LDLRAD4: variants seen among roughly 807,000 people sequenced by gnomAD.
LDLRAD4 encodes the protein low-density lipoprotein receptor class A domain-containing protein 4.
Under a neutral mutation model 17.0 loss-of-function variants are expected in LDLRAD4, and 5 were observed. The ratio of observed to expected loss-of-function variants is 0.29; its 90% CI spans 0.15 to 0.62. LDLRAD4 has a LOEUF of 0.62. Ranked by LOEUF, LDLRAD4 falls within the 20% of genes least tolerant of loss-of-function variation. LDLRAD4 has a pLI of 0.84. For missense variants in LDLRAD4, 340 were observed against 424.7 expected (o/e 0.80, Z 1.75); for synonymous variants, 168 against 171.8 (o/e 0.98, Z 0.17).
chr18:13,445,647 C>T (rs768086484), intron 3 of LDLRAD4, among the ~76,000 whole-genome samples: 1 of 149,656 alleles, frequency 6.7e-6, no homozygotes, highest in Non-Finnish European at 1.5e-5. Context: ...GAGTCTGATG[C>T]ATTTGTGCAT....
At chr18:13,506,615 A>G (rs2147380659) in intron 3 of LDLRAD4, among the ~76,000 whole-genome samples, 1 of 152,288 alleles carries the variant, frequency 6.6e-6, no homozygotes, top group South Asian at 2.1e-4. Context: ...AAGATCACTG[A>G]TGAAGGTGGC....
At chr18:13,404,004 G>T (rs2087475532) in intron 2 of LDLRAD4, among the ~76,000 whole-genome samples, 1 of 152,376 alleles carries the variant, frequency 6.6e-6, no homozygotes, top group South Asian at 2.1e-4. Context: ...CCCTGAACCG[G>T]GGGAGGCTGA....
intron 3 of LDLRAD4, among the ~76,000 whole-genome samples, chr18:13,500,346 A>G (rs1026676065): frequency 2.0e-5 from 3 of 152,206 alleles, no homozygotes; most frequent in Non-Finnish European, 4.4e-5. Flanking sequence ...TGTGCGGGAC[A>G]GTGGCCGCGT....
At chr18:13,566,639 G>T (rs2094605983) in intron 3 of LDLRAD4, among the ~76,000 whole-genome samples, 1 of 152,146 alleles carries the variant, frequency 6.6e-6, no homozygotes, top group Admixed American at 6.5e-5. Flanking sequence ...GGGATTACAG[G>T]CACGAGACGC....
At chr18:13,567,708 A>C (rs1480535584) in intron 3 of LDLRAD4, among the ~76,000 whole-genome samples, 1 of 152,010 alleles carries the variant, frequency 6.6e-6, no homozygotes, top group African/African-American at 2.4e-5. Flanking sequence ...GGTAAAATAG[A>C]GAAAGTTCCC....
chr18:13,481,220 G>C (rs1207373129), intron 3 of LDLRAD4, among the ~76,000 whole-genome samples: 1 of 152,208 alleles, frequency 6.6e-6, no homozygotes, highest in Non-Finnish European at 1.5e-5. Flanking sequence ...CCTGTTGAGA[G>C]TGAACACCCT....
At position 13,622,776 on chromosome 18, in the gene LDLRAD4, G is replaced by A. The variant is rs887367589; in HGVS notation, c.336+1505G>A. 1.3e-5 allele frequency among the ~76,000 whole-genome samples: 2 copies of A among 152,208 alleles called. No individual in the cohort carries two copies. Among genetic ancestry groups the A allele is most frequent in the Non-Finnish European group, 2.9e-5 (2 of 68,038 alleles). ...TCATCACAGCAGCAGTTTCAGAACC[G>A]CAGAAGGCTCAGACATCGCTGCTTT... On this transcript the variant is annotated intron_variant, in intron 4 of 5. Transcript: ENST00000359446. This position sits in a 1 kb window ranked among gnomAD's most constrained non-coding sequence, Gnocchi z 5.3.
At chr18:13,494,734 A>AAAT (rs2093431010) in intron 3 of LDLRAD4, among the ~76,000 whole-genome samples, 10 of 93,156 alleles carry the variant, frequency 1.1e-4, no homozygotes, top group African/African-American at 3.9e-4. Context: ...ACATTGAATA[A>AAAT]ATGACACAGT....
intron 4 of LDLRAD4, among the ~76,000 whole-genome samples, chr18:13,640,328 T>G (rs1356687752): frequency 6.7e-6 from 1 of 148,822 alleles, no homozygotes; most frequent in Non-Finnish European, 1.5e-5. Context: ...CGTTCAAGTA[T>G]TAGGATGATG....
At chr18:13,397,469 G>A (rs567123671) in intron 2 of LDLRAD4, among the ~76,000 whole-genome samples, 5 of 152,272 alleles carry the variant, frequency 3.3e-5, no homozygotes, top group Admixed American at 1.3e-4. Flanking sequence ...GTCTTACTAT[G>A]TTTTCCAGGC....
intron 3 of LDLRAD4, among the ~76,000 whole-genome samples, chr18:13,577,744 C>G (rs968566923): frequency 4.6e-5 from 7 of 152,130 alleles, no homozygotes; most frequent in Non-Finnish European, 8.8e-5. Flanking sequence ...AATTGATTTG[C>G]TGTAGGCAAA....
chr18:13,444,453 G>T (rs1232931156), intron 3 of LDLRAD4, among the ~76,000 whole-genome samples: 1 of 152,128 alleles, frequency 6.6e-6, no homozygotes, highest in Non-Finnish European at 1.5e-5. Context: ...CAAAATGTGT[G>T]TTAATCGACT....
intron 1 of LDLRAD4, among the ~76,000 whole-genome samples, chr18:13,324,712 T>A (rs1466830516): frequency 6.6e-6 from 1 of 152,064 alleles, no homozygotes; most frequent in African/African-American, 2.4e-5. Flanking sequence ...CAGGTCTCAA[T>A]CAATTTAGAG....
In LDLRAD4 at chr18:13,363,310, C is replaced by T. The variant is rs1290801325; in HGVS notation, c.-382-24031C>T. Among the ~76,000 whole-genome samples the T allele has an allele frequency of 1.8e-4, 22 of 125,036 alleles. No homozygotes were observed. The East Asian group carries it at 3.5e-3, about 20-fold the overall frequency. 82.0% of individuals were successfully genotyped at this position (125,036 alleles called of 152,430 possible). On this transcript the variant is annotated intron_variant, in intron 1 of 5. Transcript: ENST00000359446. ...TCGCGCCACTGCACTCCAACCTGGG[C>T]GACAGAGCAAGACTCCGTCTCAAAA...
chr18:13,478,074 G>A (rs1404033435), intron 3 of LDLRAD4, among the ~76,000 whole-genome samples: 1 of 152,248 alleles, frequency 6.6e-6, no homozygotes, highest in African/African-American at 2.4e-5. Context: ...TGGCAAGACA[G>A]TGTATTTTCT....
At chr18:13,450,337 C>CCCCCAA (rs367571092) in intron 3 of LDLRAD4, among the ~76,000 whole-genome samples, 7 of 115,496 alleles carry the variant, frequency 6.1e-5, no homozygotes, top group Non-Finnish European at 7.5e-5. Context: ...CCCCCCCCCC[C>CCCCCAA]AAAAAAACAC....
At chr18:13,253,377 T>C (rs1476674989) in intron 1 of LDLRAD4, among the ~76,000 whole-genome samples, 2 of 152,210 alleles carry the variant, frequency 1.3e-5, no homozygotes, top group Admixed American at 1.3e-4. Flanking sequence ...CACTCTTTTT[T>C]AAGAAGCATG....
At chr18:13,483,256 G>A (rs2093137280) in intron 3 of LDLRAD4, among the ~76,000 whole-genome samples, 1 of 152,022 alleles carries the variant, frequency 6.6e-6, no homozygotes, top group Non-Finnish European at 1.5e-5. Flanking sequence ...AGCCAGACCT[G>A]CCACAACACG....
intron 3 of LDLRAD4, among the ~76,000 whole-genome samples, chr18:13,482,264 A>G (rs960438408): frequency 6.6e-6 from 1 of 152,030 alleles, no homozygotes; most frequent in Non-Finnish European, 1.5e-5. Context: ...TGCCCACCTC[A>G]CCCCCGACTT....
Sources: allele counts gnomAD v4.1 joint callset (sites outside exome capture counted in the v4.1 genomes callset), GRCh38; gene constraint gnomAD v4.1.1; non-coding constraint Gnocchi (gnomAD v3.1); transcripts MANE v1.5; gene names NCBI Gene and HGNC (gene_info 2026-07-23, HGNC 2026-07-21).